The following SGIP1 variants were observed in gnomAD, a reference collection of about 807,000 sequenced individuals.
SGIP1 encodes SH3-containing GRB2-like protein 3-interacting protein 1.
In SGIP1, 38 loss-of-function variants were observed where a neutral mutation model predicts 107.5. That is an observed-to-expected ratio of 0.35 (90% CI 0.27 to 0.46). SGIP1 has a LOEUF of 0.46. Ranked by LOEUF, SGIP1 falls within the 20% of genes least tolerant of loss-of-function variation. The pLI is 1.00. For synonymous variants in SGIP1, 365 were observed against 366.1 expected, an observed-to-expected ratio of 1.00 and a Z score of 0.03; for missense variants, 929 against 1,019.5, an observed-to-expected ratio of 0.91 and a Z score of 1.21.
chr1:66,601,651 T>A (rs913884321), intron 1 of SGIP1, among the ~76,000 whole-genome samples: 38 of 152,176 alleles, frequency 2.5e-4, no homozygotes, highest in African/African-American at 8.9e-4. Context: ...CCCACAGTAA[T>A]GAAAACATGT....
chr1:66,696,843 T>C (rs779116143), intron 18 of SGIP1, among the ~76,000 whole-genome samples: 6 of 152,220 alleles, frequency 3.9e-5, no homozygotes, highest in Non-Finnish European at 8.8e-5. Flanking sequence ...AACTTTCTCT[T>C]TGAATTAGAT....
At chr1:66,557,695 A>G (rs1407197711) in intron 1 of SGIP1, among the ~76,000 whole-genome samples, 1 of 152,158 alleles carries the variant, frequency 6.6e-6, no homozygotes, top group Non-Finnish European at 1.5e-5. Context: ...AGGTAAGCAC[A>G]GGCTAGACAA....
At chr1:66,650,469 G>A (rs1231367224) in intron 7 of SGIP1, among the ~76,000 whole-genome samples, 1 of 152,096 alleles carries the variant, frequency 6.6e-6, no homozygotes, top group Non-Finnish European at 1.5e-5. Flanking sequence ...ACATCTAGTA[G>A]CAACCAGAAG....
At position 66,537,886 on chromosome 1, in the gene SGIP1, C is replaced by G. The variant is rs967324; in HGVS notation, c.10+3518C>G. Among the ~76,000 whole-genome samples the G allele has an allele frequency of 4.5e-3, 684 of 151,768 alleles. 8 individuals are homozygous for G. Among genetic ancestry groups the G allele is most frequent in the African/African-American group, 0.016 (656 of 41,406 alleles). ...AACCTACATCCATTTAACCACAAAG[C>G]TCATGTTTTTGACCCTCTAGGAACC... On this transcript the variant is annotated intron_variant, in intron 1 of 24. Transcript: ENST00000371037.
intron 9 of SGIP1, among the ~76,000 whole-genome samples, chr1:66,668,122 G>A (rs2082981722): frequency 1.3e-5 from 2 of 152,286 alleles, no homozygotes; most frequent in Admixed American, 6.5e-5. Context: ...CAAACTTTGG[G>A]AGGGTAGATC....
intron 8 of SGIP1, chr1:66,666,376 C>A: frequency 5.6e-6 from 1 of 177,702 alleles, no homozygotes; most frequent in Non-Finnish European, 1.2e-5. Context: ...TTACTGTAGC[C>A]TTGTAGCATA....
intron 2 of SGIP1, among the ~76,000 whole-genome samples, chr1:66,631,667 TTCTCTCTCTCTCTTTCTCTCTCTCTCTC>T (rs1176059573): frequency 7.3e-5 from 7 of 95,272 alleles, no homozygotes; most frequent in African/African-American, 2.5e-4. Context: ...CTCTCTCTCT[TTCTCTCTCTCTCTTTCTCTCTCTCTCTC>T]TCTCTCTCTC....
chr1:66,666,406 G>A (rs955476426), intron 8 of SGIP1: 26 of 175,628 alleles, frequency 1.5e-4, no homozygotes, highest in African/African-American at 6.0e-4. Context: ...CAGGCAGTGT[G>A]ATGCCTCCAG....
intron 1 of SGIP1, among the ~76,000 whole-genome samples, chr1:66,583,820 C>T (rs763576386): frequency 3.9e-5 from 6 of 152,086 alleles, no homozygotes; most frequent in Non-Finnish European, 8.8e-5. Flanking sequence ...TCTTTGATGC[C>T]GTCTCTCCTA....
At chr1:66,603,614 G>A (rs1270803000) in intron 1 of SGIP1, among the ~76,000 whole-genome samples, 2 of 152,120 alleles carry the variant, frequency 1.3e-5, no homozygotes, top group African/African-American at 4.8e-5. Flanking sequence ...GAAACACATT[G>A]AGAGATGCTT....
intron 1 of SGIP1, among the ~76,000 whole-genome samples, chr1:66,574,326 T>C (rs980029703): frequency 5.9e-5 from 9 of 152,200 alleles, no homozygotes; most frequent in Admixed American, 6.5e-5. Context: ...AGTGACTTAA[T>C]TGTGTATACA....
intron 1 of SGIP1, among the ~76,000 whole-genome samples, chr1:66,582,001 G>A (rs999637347): frequency 2.0e-5 from 3 of 152,066 alleles, no homozygotes; most frequent in Admixed American, 2.0e-4. Flanking sequence ...CTGAGACAAA[G>A]ATGATGGATT....
intron 8 of SGIP1, 65 bp downstream of exon 8, chr1:66,660,589 G>A: frequency 1.4e-6 from 2 of 1,402,770 alleles, no homozygotes; most frequent in South Asian, 2.3e-5. Context: ...TTCATTATCT[G>A]CATATCTAAT....
At chr1:66,634,109 G>T (rs779644532) in intron 3 of SGIP1, 1 of 1,609,720 alleles carries the variant, frequency 6.2e-7, no homozygotes, top group East Asian at 2.2e-5. Context: ...AGAAGACTCA[G>T]CTTCTCCTCA....
intron 12 of SGIP1, among the ~76,000 whole-genome samples, chr1:66,674,143 G>A (rs185344884): frequency 5.3e-5 from 8 of 152,056 alleles, no homozygotes; most frequent in Admixed American, 3.3e-4. Context: ...ACTCCAGCCC[G>A]AGCAGCACAG....
chr1:66,672,891 G>T (rs145233998), intron 11 of SGIP1, among the ~76,000 whole-genome samples: 1 of 152,162 alleles, frequency 6.6e-6, no homozygotes, highest in Non-Finnish European at 1.5e-5. Flanking sequence ...AAGAGATGTG[G>T]TGAAATCAAA....
chr1:66,679,189 A>G (rs1477487795), intron 13 of SGIP1, among the ~76,000 whole-genome samples: 7 of 152,194 alleles, frequency 4.6e-5, no homozygotes, highest in Non-Finnish European at 1.5e-5. Context: ...TCCCAACTCA[A>G]TCTGGACACT....
chr1:66,569,680 T>C (rs2060122385), intron 1 of SGIP1, among the ~76,000 whole-genome samples: 1 of 151,908 alleles, frequency 6.6e-6, no homozygotes. Flanking sequence ...TACATCTGTG[T>C]TCATGAGATA....
At chr1:66,662,055 G>A (rs1390332436) in intron 8 of SGIP1, among the ~76,000 whole-genome samples, 4 of 152,138 alleles carry the variant, frequency 2.6e-5, no homozygotes, top group Non-Finnish European at 5.9e-5. Context: ...CTTGTAATAT[G>A]TAGTCGACCC....
Sources: allele counts gnomAD v4.1 joint callset (sites outside exome capture counted in the v4.1 genomes callset), GRCh38; gene constraint gnomAD v4.1.1; transcripts MANE v1.5; gene names NCBI Gene and HGNC (gene_info 2026-07-23, HGNC 2026-07-21).